The following DENND1B variants were observed in gnomAD, a reference collection of about 807,000 sequenced individuals.
DENND1B encodes DENN domain containing 1B, also known as DENN domain-containing protein 1B.
In DENND1B, 59 loss-of-function variants were observed where a neutral mutation model predicts 90.1. The ratio of observed to expected loss-of-function variants is 0.65; its 90% confidence interval spans 0.53 to 0.81. DENND1B has a LOEUF of 0.81. Ranked by LOEUF, DENND1B falls within the 40% of genes least tolerant of loss-of-function variation. The pLI is 0.00. For missense variants in DENND1B, 862 were observed against 912.6 expected (o/e 0.94, Z 0.71); for synonymous variants, 337 against 324.6 (o/e 1.04, Z -0.41).
At chr1:197,778,236 ATC>A (rs1358435609), upstream of DENND1B, among the ~76,000 whole-genome samples, 7 of 152,328 alleles carry the variant, frequency 4.6e-5, no homozygotes, top group Admixed American at 6.5e-5. Flanking sequence ...ATGTTAGGAT[ATC>A]TCTTTTCATC....
At chr1:197,684,972 G>A (rs1657080946) in intron 3 of DENND1B, among the ~76,000 whole-genome samples, 1 of 151,980 alleles carries the variant, frequency 6.6e-6, no homozygotes, top group African/African-American at 2.4e-5. Flanking sequence ...CAAAAAATTA[G>A]CTGGGTGTGG....
intron 18 of DENND1B, among the ~76,000 whole-genome samples, chr1:197,543,000 T>C (rs1670455592): frequency 6.6e-6 from 1 of 152,026 alleles, no homozygotes; most frequent in Non-Finnish European, 1.5e-5. Flanking sequence ...AGTGGCACAA[T>C]CTTGGCTCAC....
At chr1:197,567,892 G>C (rs535652543) in intron 15 of DENND1B, among the ~76,000 whole-genome samples, 2 of 151,968 alleles carry the variant, frequency 1.3e-5, no homozygotes, top group African/African-American at 4.8e-5. Flanking sequence ...AACAAGACAA[G>C]AGTTCTCATT....
intron 20 of DENND1B, among the ~76,000 whole-genome samples, chr1:197,530,137 C>G (rs1034475181): frequency 1.3e-5 from 2 of 152,152 alleles, no homozygotes; most frequent in Non-Finnish European, 2.9e-5. Flanking sequence ...TGGATGTGGA[C>G]TATAGATTCA....
At chr1:197,776,113 G>T (rs12135210), upstream of DENND1B, among the ~76,000 whole-genome samples, 2,659 of 152,266 alleles carry the variant, frequency 0.017, 35 homozygotes, top group Non-Finnish European at 0.028. Context: ...ATAGTCGCAG[G>T]CCTCATAGTC....
intron 2 of DENND1B, chr1:197,736,113 G>T (rs1662658522): frequency 2.9e-6 from 2 of 693,080 alleles, no homozygotes; most frequent in Admixed American, 2.4e-5. Context: ...ACGCTAAACT[G>T]GCAGATTAGA....
intron 9 of DENND1B, 32 bp downstream of exon 9, chr1:197,645,658 A>G (rs370043514): frequency 1.4e-5 from 19 of 1,378,240 alleles, no homozygotes; most frequent in Non-Finnish European, 1.7e-5. Context: ...TAATAATATA[A>G]GAATAATTAA....
intron 3 of DENND1B, among the ~76,000 whole-genome samples, chr1:197,700,798 A>G (rs1658945806): frequency 6.6e-6 from 1 of 152,222 alleles, no homozygotes; most frequent in African/African-American, 2.4e-5. Flanking sequence ...GACACTACTC[A>G]AAAGAAGACA....
intron 20 of DENND1B, among the ~76,000 whole-genome samples, chr1:197,526,625 A>C (rs181845659): frequency 6.6e-6 from 1 of 152,306 alleles, no homozygotes; most frequent in East Asian, 1.9e-4. Flanking sequence ...TTTGAAGAGT[A>C]AAATTACAAC....
At position 197,514,371 on chromosome 1, in the gene DENND1B, G is replaced by T. The variant is rs529763181; in HGVS notation, c.1516-1418C>A. ...CAATCTCTAAAGGCAAGTCATGAGGGTCTTTTTTTTAAATTCCCATTATTA... is the reference window on the plus strand; with the variant it reads ...CAATCTCTAAAGGCAAGTCATGAGGTTCTTTTTTTTAAATTCCCATTATTA... On this transcript the variant is annotated intron_variant, in intron 20 of 22. Coordinates refer to ENST00000620048, the MANE Select transcript of DENND1B (RefSeq NM_001195215.2). Among the ~76,000 whole-genome samples the T allele has an allele frequency of 1.1e-3, 173 of 151,594 alleles. 1 individual carries two copies. The East Asian group carries it at 0.014, about 13-fold the overall frequency.
intron 15 of DENND1B, among the ~76,000 whole-genome samples, chr1:197,579,399 T>G (rs971594957): frequency 6.6e-6 from 1 of 152,212 alleles, no homozygotes; most frequent in Non-Finnish European, 1.5e-5. Flanking sequence ...GCTGTCAATA[T>G]ATTGCTCCTT....
chr1:197,604,575 A>G (rs1335147111), intron 13 of DENND1B, among the ~76,000 whole-genome samples: 1 of 151,266 alleles, frequency 6.6e-6, no homozygotes, highest in African/African-American at 2.4e-5. Flanking sequence ...TAGAGTACAC[A>G]TGCATAGAAA....
chr1:197,658,185 A>G, intron 6 of DENND1B, 115 bp downstream of exon 6: 1 of 827,476 alleles, frequency 1.2e-6, no homozygotes, highest in Non-Finnish European at 2.0e-6. Flanking sequence ...ATGATTGCAG[A>G]TCAACATTAA....
chr1:197,734,086 T>C, intron 2 of DENND1B: 1 of 957,470 alleles, frequency 1.0e-6, no homozygotes, highest in Non-Finnish European at 1.2e-6. Context: ...TATTTTTCAC[T>C]GAAGGACCCA....
At chr1:197,565,511 T>A (rs920526460) in intron 15 of DENND1B, among the ~76,000 whole-genome samples, 1 of 152,020 alleles carries the variant, frequency 6.6e-6, no homozygotes, top group Non-Finnish European at 1.5e-5. Context: ...TATTATACTT[T>A]AAGTTTTAGG....
At chr1:197,537,907 T>C (rs1033932081) in intron 20 of DENND1B, among the ~76,000 whole-genome samples, 1 of 151,988 alleles carries the variant, frequency 6.6e-6, no homozygotes, top group African/African-American at 2.4e-5. Context: ...CCGCAAAAAA[T>C]GTTAAGTATT....
intron 9 of DENND1B, among the ~76,000 whole-genome samples, chr1:197,644,639 G>T (rs910524194): frequency 6.6e-6 from 1 of 152,118 alleles, no homozygotes; most frequent in African/African-American, 2.4e-5. Context: ...TGAGAGCTTT[G>T]ATTATCTATC....
chr1:197,575,140 G>C (rs1218498717), intron 15 of DENND1B, among the ~76,000 whole-genome samples: 2 of 152,016 alleles, frequency 1.3e-5, no homozygotes, highest in African/African-American at 2.4e-5. Flanking sequence ...ACTACCATCA[G>C]AGTGAACAGG....
chr1:197,572,695 G>A (rs553812310), intron 15 of DENND1B, among the ~76,000 whole-genome samples: 1 of 152,162 alleles, frequency 6.6e-6, no homozygotes, highest in South Asian at 2.1e-4. Flanking sequence ...CAGGTACCCC[G>A]CTGGGACGAA....
Sources: gnomAD v4.1 joint callset for allele counts (sites outside exome capture counted in the v4.1 genomes callset) on GRCh38, gnomAD v4.1.1 for gene constraint, MANE v1.5 for transcripts, NCBI Gene and HGNC (gene_info 2026-07-23, HGNC 2026-07-21) for gene names.